Variants in VMP1 observed in about 807,000 individuals in gnomAD.
VMP1 encodes vacuole membrane protein 1, also known as ectopic P-granules autophagy protein 3 homolog.
A neutral mutation model predicts 56.0 loss-of-function variants in VMP1; 11 were observed. The observed-to-expected ratio is 0.20, with a 90% CI of 0.12 to 0.32. VMP1 has a LOEUF of 0.32. Among genes scored for constraint, VMP1 ranks in the 10% least tolerant of loss-of-function variants. The pLI is 1.00. For missense variants in VMP1, 296 were observed against 490.3 expected (o/e 0.60, Z 3.74); for synonymous variants, 149 against 165.0 (o/e 0.90, Z 0.74).
intron 11 of VMP1, chr17:59,838,947 AG>A (rs1481784509): frequency 6.6e-6 from 1 of 152,196 alleles, no homozygotes; most frequent in African/African-American, 2.4e-5. Context: ...GGGAAACTCG[AG>A]GGAAGCACAG....
chr17:59,747,046 A>G (rs185406096), intron 5 of VMP1, among the ~76,000 whole-genome samples: 2 of 152,334 alleles, frequency 1.3e-5, no homozygotes, highest in Admixed American at 1.3e-4. Context: ...CATTGCTAAT[A>G]CAGCCAATAT....
intron 7 of VMP1, among the ~76,000 whole-genome samples, chr17:59,789,820 CCTTT>C (rs1488038935): frequency 5.6e-5 from 8 of 143,394 alleles, no homozygotes; most frequent in Admixed American, 4.3e-4. Flanking sequence ...TTCCTTCCTT[CCTTT>C]CTTTCTTTCC....
intron 6 of VMP1, among the ~76,000 whole-genome samples, chr17:59,765,398 T>C (rs79900311): frequency 0.038 from 5,825 of 152,238 alleles, 394 homozygotes; most frequent in African/African-American, 0.13. Context: ...GTACAGATGA[T>C]GGAACCACAG....
At chr17:59,728,618 C>T (rs969019773) in intron 1 of VMP1, among the ~76,000 whole-genome samples, 22 of 152,072 alleles carry the variant, frequency 1.4e-4, no homozygotes, top group African/African-American at 4.3e-4. Context: ...GCAGGAGGAT[C>T]GCTTCAGGCC....
At chr17:59,736,554 G>C (rs2035024727) in intron 3 of VMP1, among the ~76,000 whole-genome samples, 1 of 151,168 alleles carries the variant, frequency 6.6e-6, no homozygotes, top group East Asian at 1.9e-4. Context: ...GACCACCCTG[G>C]CCAACATGGT....
intron 10 of VMP1, among the ~76,000 whole-genome samples, chr17:59,834,338 C>T (rs1210675028): frequency 6.6e-6 from 1 of 152,118 alleles, no homozygotes; most frequent in Admixed American, 6.6e-5. Flanking sequence ...TCTCAGCTCA[C>T]TGCAACCTCC....
At chr17:59,831,959 GC>G (rs2038821690) in intron 10 of VMP1, among the ~76,000 whole-genome samples, 1 of 151,924 alleles carries the variant, frequency 6.6e-6, no homozygotes, top group Non-Finnish European at 1.5e-5. Flanking sequence ...AGCTCACTAA[GC>G]CTCCATCCCA....
chr17:59,760,698 G>A (rs761170427), intron 5 of VMP1, among the ~76,000 whole-genome samples: 3 of 152,114 alleles, frequency 2.0e-5, no homozygotes, highest in African/African-American at 4.8e-5. Flanking sequence ...TCGGCTCACT[G>A]CAATCTCCGC....
intron 5 of VMP1, among the ~76,000 whole-genome samples, chr17:59,751,294 C>T (rs141957670): frequency 7.5e-4 from 114 of 152,130 alleles, no homozygotes; most frequent in African/African-American, 2.6e-3. Flanking sequence ...AGTACATGAG[C>T]GATCAGGAAT....
chr17:59,732,772 CA>C (rs2034881083), intron 2 of VMP1, among the ~76,000 whole-genome samples: 1 of 152,180 alleles, frequency 6.6e-6, no homozygotes, highest in Non-Finnish European at 1.5e-5. Flanking sequence ...CTCTTCTGCT[CA>C]CCCCATTGGA....
intron 7 of VMP1, among the ~76,000 whole-genome samples, chr17:59,803,949 A>AT (rs34890976): frequency 0.42 from 63,626 of 151,250 alleles, 15,270 homozygotes; most frequent in Non-Finnish European, 0.54. Context: ...TATAAAAGGG[A>AT]TTTTTTTTGT....
intron 1 of VMP1, among the ~76,000 whole-genome samples, chr17:59,719,841 TAAAAA>T (rs573533547): frequency 1.1e-3 from 171 of 151,992 alleles, no homozygotes; most frequent in African/African-American, 4.0e-3. Context: ...AGGAAACAAA[TAAAAA>T]AAACCCCACA....
chr17:59,838,433 A>C, intron 11 of VMP1, 36 bp downstream of exon 11: 1 of 1,606,586 alleles, frequency 6.2e-7, no homozygotes. Context: ...CCCCTCTGGG[A>C]AGTTTCGGGC....
chr17:59,825,600 T>C (rs1196369519), intron 10 of VMP1, among the ~76,000 whole-genome samples: 1 of 152,218 alleles, frequency 6.6e-6, no homozygotes, highest in East Asian at 1.9e-4. Context: ...CATTGGCTCA[T>C]TGTCATGTTG....
In VMP1 at chr17:59,776,605, C is replaced by G. The variant is rs898927989; in HGVS notation, c.714+2720C>G. 2.6e-5 allele frequency among the ~76,000 whole-genome samples: 4 copies of G among 152,262 alleles called. No homozygotes were observed. In the South Asian group the frequency reaches 8.3e-4, roughly 32 times the overall value. The stretch of plus-strand genomic sequence containing the variant: ...TTTAGTTGTTACTTCCCAAATTTCA[C>G]ATACTTATAGGTAGAACAAAAACTC... On this transcript the variant is annotated intron_variant, in intron 7 of 11. Coordinates refer to ENST00000262291, the MANE Select transcript of VMP1 (RefSeq NM_030938.5).
chr17:59,768,692 G>T (rs766841881), intron 6 of VMP1, among the ~76,000 whole-genome samples: 11 of 151,742 alleles, frequency 7.2e-5, no homozygotes, highest in Non-Finnish European at 1.3e-4. Flanking sequence ...CCATATATAA[G>T]AATTAATTCA....
At chr17:59,767,545 CT>C (rs893370409) in intron 6 of VMP1, among the ~76,000 whole-genome samples, 4 of 152,184 alleles carry the variant, frequency 2.6e-5, no homozygotes, top group African/African-American at 7.2e-5. Flanking sequence ...GTAAATTTGT[CT>C]TTTTTTCTTA....
chr17:59,732,367 C>G (rs560542250), intron 2 of VMP1, among the ~76,000 whole-genome samples: 1 of 152,104 alleles, frequency 6.6e-6, no homozygotes, highest in Non-Finnish European at 1.5e-5. Context: ...CTCAGCCTCC[C>G]GAGTAGCTGG....
chr17:59,725,639 T>A (rs1040885446), intron 1 of VMP1, among the ~76,000 whole-genome samples: 1 of 152,220 alleles, frequency 6.6e-6, no homozygotes, highest in African/African-American at 2.4e-5. Flanking sequence ...TATGCTATAT[T>A]TCCTTCTTTT....
Sources: gnomAD v4.1 joint callset for allele counts (sites outside exome capture counted in the v4.1 genomes callset) on GRCh38, gnomAD v4.1.1 for gene constraint, MANE v1.5 for transcripts, NCBI Gene and HGNC (gene_info 2026-07-23, HGNC 2026-07-21) for gene names.